MAP3K20: variants seen among roughly 807,000 people sequenced by gnomAD.
MAP3K20 encodes HCCS-4.
MAP3K20 carries 40 observed loss-of-function variants against 85.7 expected under a neutral mutation model. The observed-to-expected ratio is 0.47, with a 90% confidence interval of 0.36 to 0.61. The LOEUF (loss-of-function observed/expected upper bound fraction) is 0.61. Ranked by LOEUF, MAP3K20 falls within the 20% of genes least tolerant of loss-of-function variation. The pLI is 0.00. For missense variants in MAP3K20, 817 were observed against 961.7 expected, an observed-to-expected ratio of 0.85 and a Z score of 1.99; for synonymous variants, 325 against 327.7, an observed-to-expected ratio of 0.99 and a Z score of 0.09.
chr2:173,159,581 G>A (rs1689587707), intron 2 of MAP3K20, among the ~76,000 whole-genome samples: 1 of 151,836 alleles, frequency 6.6e-6, no homozygotes, highest in African/African-American at 2.4e-5. Context: ...GTAGAGATAG[G>A]GTCTCACTAT....
intron 11 of MAP3K20, chr2:173,226,777 T>C: frequency 1.0e-6 from 1 of 985,478 alleles, no homozygotes; most frequent in Non-Finnish European, 1.2e-6. Context: ...GCTTTTGCAC[T>C]CTTAAAATTT....
At chr2:173,116,801 C>T (rs1260796467) in intron 2 of MAP3K20, among the ~76,000 whole-genome samples, 1 of 152,206 alleles carries the variant, frequency 6.6e-6, no homozygotes, top group Admixed American at 6.5e-5. Flanking sequence ...AAGCTTAGAA[C>T]CTTCAAAATG....
chr2:173,124,832 G>GC (rs763835467), intron 2 of MAP3K20, among the ~76,000 whole-genome samples: 1 of 152,114 alleles, frequency 6.6e-6, no homozygotes, highest in Non-Finnish European at 1.5e-5. Context: ...GCTTAAAGTT[G>GC]CAACAACTGG....
intron 2 of MAP3K20, among the ~76,000 whole-genome samples, chr2:173,157,463 C>T (rs1429309801): frequency 1.3e-5 from 2 of 152,042 alleles, no homozygotes; most frequent in Non-Finnish European, 2.9e-5. Context: ...GTTCAAGACA[C>T]TGTCTAATTG....
chr2:173,165,243 T>C (rs1057278837), intron 2 of MAP3K20, among the ~76,000 whole-genome samples: 17 of 150,234 alleles, frequency 1.1e-4, no homozygotes, highest in Non-Finnish European at 2.4e-4. Context: ...ACCCTGTCTC[T>C]ACTGAAAAAA....
chr2:173,246,605 C>T lies in MAP3K20; in HGVS notation c.1359+7109C>T, dbSNP rs376974189. 2.1e-3 allele frequency among the ~76,000 whole-genome samples: 321 copies of T among 152,230 alleles called. 6 individuals carry two copies. In the South Asian group the frequency reaches 0.056, roughly 26 times the overall value. On this transcript the variant is annotated intron_variant, in intron 16 of 19. Transcript: ENST00000375213. ...TCTCACCAAGATCTTTTTGAGACTT[C>T]GTGTGTCATAAAAATTCAAAAGCAG...
chr2:173,241,640 C>T (rs574538875), intron 16 of MAP3K20, among the ~76,000 whole-genome samples: 1 of 152,096 alleles, frequency 6.6e-6, no homozygotes, highest in Non-Finnish European at 1.5e-5. Context: ...TCACATGTAC[C>T]CCCAAAATAC....
chr2:173,267,493 C>T lies in MAP3K20; in HGVS notation c.*743C>T, dbSNP rs1685452002. ...TGAACTGATCTGGCTTGTCATTTTT[C>T]AGTAATAAAAAAAGTTACTGAATTT... On this transcript the variant is annotated 3_prime_UTR_variant, in exon 20 of 20. Coordinates refer to ENST00000375213, the MANE Select transcript of MAP3K20 (RefSeq NM_016653.3). The T allele has an allele frequency of 6.6e-6, 1 of 151,182 alleles. No homozygotes were observed. Among genetic ancestry groups the T allele is most frequent in the Non-Finnish European group, 1.5e-5 (1 of 67,852 alleles). 9.4% of individuals were successfully genotyped at this position (151,182 alleles called of 1,614,324 possible). A position where few individuals can be genotyped will look rare whatever the true frequency, so the allele number is the denominator to read the frequency against.
chr2:173,259,223 G>A (rs963850397), intron 17 of MAP3K20, among the ~76,000 whole-genome samples: 2 of 152,132 alleles, frequency 1.3e-5, no homozygotes, highest in South Asian at 2.1e-4. Context: ...GGACTGAGAT[G>A]AGGTTAATTA....
chr2:173,248,502 T>C (rs1209447555), intron 16 of MAP3K20, among the ~76,000 whole-genome samples: 4 of 152,230 alleles, frequency 2.6e-5, no homozygotes, highest in African/African-American at 9.6e-5. Context: ...TCACTGCTGA[T>C]TTCTAATTAC....
chr2:173,142,162 A>G (rs1468320437), intron 2 of MAP3K20, among the ~76,000 whole-genome samples: 3 of 152,186 alleles, frequency 2.0e-5, no homozygotes, highest in African/African-American at 7.2e-5. Flanking sequence ...TGGGTTGTAT[A>G]ATGTATGTAC....
intron 10 of MAP3K20, chr2:173,211,788 CCTGTAGTCCCAG>C (rs1278550759): frequency 6.6e-6 from 1 of 152,276 alleles, no homozygotes; most frequent in African/African-American, 2.4e-5. Context: ...GTGGCGGGTG[CCTGTAGTCCCAG>C]CTACTTGGGA....
At chr2:173,111,717 G>A (rs1687979957) in intron 2 of MAP3K20, among the ~76,000 whole-genome samples, 1 of 152,076 alleles carries the variant, frequency 6.6e-6, no homozygotes, top group South Asian at 2.1e-4. Context: ...TTGCTTTGTT[G>A]ACGATCAGTT....
At chr2:173,119,135 A>C (rs868224016) in intron 2 of MAP3K20, among the ~76,000 whole-genome samples, 1 of 152,256 alleles carries the variant, frequency 6.6e-6, no homozygotes, top group East Asian at 1.9e-4. Flanking sequence ...GAGGGAGAGC[A>C]CTTAAGGGAG....
At chr2:173,207,362 C>T (rs1683722956) in intron 9 of MAP3K20, among the ~76,000 whole-genome samples, 1 of 152,060 alleles carries the variant, frequency 6.6e-6, no homozygotes, top group Non-Finnish European at 1.5e-5. Flanking sequence ...CGTGGTGGCG[C>T]GTTCCTGTAG....
chr2:173,179,944 G>C (rs910287302), intron 3 of MAP3K20, among the ~76,000 whole-genome samples: 27 of 152,126 alleles, frequency 1.8e-4, no homozygotes, highest in Non-Finnish European at 3.1e-4. Flanking sequence ...ACAATGAAAA[G>C]TACAAAAATT....
chr2:173,169,863 T>C lies in MAP3K20; in HGVS notation c.218T>C (p.Leu73Pro). ...ATCATCCAGTTTTATGGAGTAATTC[T>C]TGAACCTCCCAACTATGGCATTGTC... ...RNIIQFYGVI[L>P]EPPNYGIVTE... Residue 73 changes from leucine (L) to proline (P), a missense_variant, in exon 3 of 20, where the codon CTT (leucine) becomes CCT (proline). Leu to Pro is a moderately conservative substitution (Grantham distance 98). Transcript: ENST00000375213. The C allele has an allele frequency of 6.2e-7, 1 of 1,614,040 alleles. No homozygotes were observed.
intron 2 of MAP3K20, among the ~76,000 whole-genome samples, chr2:173,105,845 G>A (rs1311379865): frequency 1.3e-5 from 2 of 152,146 alleles, no homozygotes; most frequent in African/African-American, 2.4e-5. Context: ...GATGAGAGTT[G>A]CACAACAGTG....
At chr2:173,106,955 C>T (rs1307628609) in intron 2 of MAP3K20, among the ~76,000 whole-genome samples, 1 of 152,022 alleles carries the variant, frequency 6.6e-6, no homozygotes, top group Non-Finnish European at 1.5e-5. Context: ...AAGGACTAGA[C>T]TGTTGCAGGG....
Sources: gnomAD v4.1 joint callset for allele counts (sites outside exome capture counted in the v4.1 genomes callset) on GRCh38, gnomAD v4.1.1 for gene constraint, MANE v1.5 for transcripts, NCBI Gene and HGNC (gene_info 2026-07-23, HGNC 2026-07-21) for gene names.